LUC7L: variants seen among roughly 807,000 people sequenced by gnomAD.
LUC7L encodes the protein putative RNA-binding protein Luc7-like 1.
Under a neutral mutation model 51.1 loss-of-function variants are expected in LUC7L, and 29 were observed. The ratio of observed to expected loss-of-function variants is 0.57; its 90% CI spans 0.42 to 0.77. LUC7L has a LOEUF of 0.77. Among genes scored for constraint, LUC7L ranks in the 30% least tolerant of loss-of-function variants. The pLI, the probability that LUC7L is intolerant of heterozygous loss-of-function variation, is 0.00. For synonymous variants in LUC7L, 181 were observed against 180.7 expected (o/e 1.00, Z -0.01); for missense variants, 403 against 511.9 (o/e 0.79, Z 2.05).
In LUC7L at chr16:202,830, A is replaced by G. The variant is rs555246832; in HGVS notation, c.510+3174T>C. Among the ~76,000 whole-genome samples the G allele has an allele frequency of 6.6e-5, 10 of 152,338 alleles. No homozygotes were observed. In the South Asian group the frequency reaches 1.9e-3, roughly 28 times the overall value. On this transcript the variant is annotated intron_variant, in intron 5 of 9. Coordinates refer to ENST00000293872, the MANE Select transcript of LUC7L (RefSeq NM_201412.3). ...CAACAACTCCATGCCCACAAAAGCG[A>G]TAAACTAGATGAAATGGACCGATCC...
intron 7 of LUC7L, 26 bp downstream of exon 7, chr16:192,901 C>A: frequency 6.3e-7 from 1 of 1,594,624 alleles, no homozygotes; most frequent in Non-Finnish European, 8.6e-7. Flanking sequence ...CAATGCAGGC[C>A]ATCCAGTGCC....
chr16:217,332 T>C (rs2049831633), intron 3 of LUC7L, among the ~76,000 whole-genome samples: 1 of 152,120 alleles, frequency 6.6e-6, no homozygotes, highest in Non-Finnish European at 1.5e-5. Context: ...ATTTATTCTT[T>C]ATTGAGAATT....
chr16:210,016 G>C (rs2049595075), intron 3 of LUC7L, among the ~76,000 whole-genome samples: 1 of 152,158 alleles, frequency 6.6e-6, no homozygotes. Flanking sequence ...GGCCAGGCGT[G>C]GTAGCTCACG....
intron 4 of LUC7L, 41 bp from the exon 5 acceptor site, chr16:206,188 G>T (rs771652564): frequency 1.3e-6 from 2 of 1,589,062 alleles, no homozygotes; most frequent in East Asian, 2.2e-5. Flanking sequence ...ATCTGAAAAT[G>T]AAAGTGAATG....
chr16:191,617 C>T (rs542807704), intron 7 of LUC7L, among the ~76,000 whole-genome samples: 34 of 152,282 alleles, frequency 2.2e-4, no homozygotes, highest in African/African-American at 7.7e-4. Flanking sequence ...GAGGCTGAGG[C>T]AGGCAGATCA....
rs1000616026 is a variant in LUC7L, at chr16:229,092, C to G, written c.61+187G>C. ...TCCGAGAGAGGAGCCCGACCTGGAC[C>G]CACGGCCGCCTCAGAGACGCACCGG... On this transcript the variant is annotated intron_variant, in intron 1 of 9. Coordinates refer to ENST00000293872, the MANE Select transcript of LUC7L (RefSeq NM_201412.3). The G allele has an allele frequency of 2.1e-6, 3 of 1,410,636 alleles. No individual in the cohort carries two copies. The African/African-American group carries it at 4.5e-5, about 21-fold the overall frequency. The allele number at this position is 1,410,636 out of a possible 1,614,324, so 87.4% of individuals were successfully genotyped here.
intron 5 of LUC7L, among the ~76,000 whole-genome samples, chr16:201,753 TTTTTTTTTGA>T (rs2142061459): frequency 6.8e-6 from 1 of 146,762 alleles, no homozygotes; most frequent in African/African-American, 2.5e-5. Flanking sequence ...TTTTTTTTTT[TTTTTTTTTGA>T]GAGAGAGTCT....
chr16:221,826 G>T (rs1331469965), intron 2 of LUC7L, among the ~76,000 whole-genome samples: 1 of 152,212 alleles, frequency 6.6e-6, no homozygotes, highest in Admixed American at 6.5e-5. Context: ...GACAGAGGAA[G>T]AGGAAAGAGC....
At chr16:190,811 C>T in intron 7 of LUC7L, 1 of 510,506 alleles carries the variant, frequency 2.0e-6, no homozygotes, top group Non-Finnish European at 3.5e-6. Context: ...ACCTAGGAGG[C>T]AGAGGTTGCA....
chr16:224,970 T>C (rs2050089470), intron 2 of LUC7L, among the ~76,000 whole-genome samples: 1 of 152,232 alleles, frequency 6.6e-6, no homozygotes, highest in African/African-American at 2.4e-5. Context: ...TTTTCAGCTT[T>C]GCCAAGGAGG....
At chr16:221,343 C>A (rs2049963512) in intron 2 of LUC7L, among the ~76,000 whole-genome samples, 2 of 152,042 alleles carry the variant, frequency 1.3e-5, no homozygotes, top group African/African-American at 4.8e-5. Context: ...CGGTGCCTGG[C>A]CCAGTTTTAT....
chr16:217,655 C>G (rs938538408), intron 3 of LUC7L, among the ~76,000 whole-genome samples: 1 of 148,136 alleles, frequency 6.8e-6, no homozygotes, highest in East Asian at 2.0e-4. Flanking sequence ...TGCAGTGGGC[C>G]GAGATCACAC....
At chr16:207,881 C>G (rs2049527585) in intron 4 of LUC7L, among the ~76,000 whole-genome samples, 197 bp downstream of exon 4, 1 of 152,048 alleles carries the variant, frequency 6.6e-6, no homozygotes, top group African/African-American at 2.4e-5. Context: ...TGGTGGCGGG[C>G]GTCTGCAGTC....
At chr16:197,985 T>A (rs2049202847) in intron 6 of LUC7L, among the ~76,000 whole-genome samples, 1 of 152,066 alleles carries the variant, frequency 6.6e-6, no homozygotes, top group Admixed American at 6.6e-5. Context: ...TTTTTAAATG[T>A]CGGCCGGGTG....
intron 1 of LUC7L, chr16:228,052 A>T: frequency 1.8e-6 from 2 of 1,137,806 alleles, no homozygotes; most frequent in Non-Finnish European, 2.2e-6. Flanking sequence ...TGTTAAAGGA[A>T]AAGTTTTCTT....
intron 2 of LUC7L, among the ~76,000 whole-genome samples, chr16:225,486 CTTTTTTT>C (rs1172177139): frequency 7.0e-5 from 7 of 99,426 alleles, no homozygotes; most frequent in African/African-American, 2.7e-4. Flanking sequence ...AACTCCGTCT[CTTTTTTT>C]TTTTTTTTTT....
At position 207,882 on chromosome 16, in the gene LUC7L, G is replaced by A. The variant is rs551919605; in HGVS notation, c.366+196C>T. ...AAATTAGCCGGGCATGGTGGCGGGC[G>A]TCTGCAGTCCCAGCTACTCGGGAGG... On this transcript the variant is annotated intron_variant, in intron 4 of 9. Transcript: ENST00000293872. 1.1e-4 allele frequency among the ~76,000 whole-genome samples: 17 copies of A among 152,156 alleles called. No individual in the cohort carries two copies. The South Asian group carries it at 2.7e-3, about 24-fold the overall frequency.
rs144575051 is a variant in LUC7L, at chr16:228,051, A to C, written c.62-715T>G. On this transcript the variant is annotated intron_variant, in intron 1 of 9. Transcript: ENST00000293872. ...GCCCGCTGTTGAAAAGTGTTAAAGG[A>C]AAAGTTTTCTTGCCCACACCTGCAG... 52 of 1,137,230 alleles carry C rather than the reference A, an allele frequency of 4.6e-5. No individual in the cohort carries two copies. In the African/African-American group the frequency reaches 7.3e-4, roughly 16 times the overall value. The allele number at this position is 1,137,230 out of a possible 1,614,324, so 70.4% of individuals were successfully genotyped here.
intron 1 of LUC7L, chr16:227,750 T>C (rs2050166556): frequency 9.9e-7 from 1 of 1,007,646 alleles, no homozygotes; most frequent in Non-Finnish European, 1.2e-6. Flanking sequence ...CTAATCTTTT[T>C]GTTATGAACA....
Sources: allele counts gnomAD v4.1 joint callset (sites outside exome capture counted in the v4.1 genomes callset), GRCh38; gene constraint gnomAD v4.1.1; transcripts MANE v1.5; gene names NCBI Gene and HGNC (gene_info 2026-07-23, HGNC 2026-07-21).